The following SPAG16 variants were observed in gnomAD, a reference collection of about 807,000 sequenced individuals.
SPAG16 encodes sperm associated antigen 16.
SPAG16 carries 86 observed loss-of-function variants against 80.4 expected under a neutral mutation model. The ratio of observed to expected loss-of-function variants is 1.07; its 90% confidence interval spans 0.90 to 1.28. The LOEUF (loss-of-function observed/expected upper bound fraction) is 1.28, where lower values mean the gene tolerates loss of function less well. Ranked by LOEUF, SPAG16 falls within the 50% of genes most tolerant of loss-of-function variation. The pLI, the probability that SPAG16 is intolerant of heterozygous loss-of-function variation, is 0.00. For missense variants in SPAG16, 870 were observed against 765.3 expected (o/e 1.14, Z -1.61); for synonymous variants, 294 against 265.9 (o/e 1.11, Z -1.03).
At chr2:214,286,222 C>T (rs10168841) in intron 15 of SPAG16, among the ~76,000 whole-genome samples, 127,336 of 152,030 alleles carry the variant, frequency 0.84, 55,382 homozygotes, top group South Asian at 0.98. Context: ...GTTTCAGTTA[C>T]GCAAGATGAA....
intron 10 of SPAG16, among the ~76,000 whole-genome samples, chr2:213,490,891 G>A (rs764099141): frequency 3.3e-5 from 5 of 152,010 alleles, no homozygotes; most frequent in Admixed American, 6.6e-5. Flanking sequence ...TACTTAAGGA[G>A]GACTAATGAC....
At chr2:214,212,901 A>C (rs1156290433) in intron 15 of SPAG16, among the ~76,000 whole-genome samples, 2 of 152,238 alleles carry the variant, frequency 1.3e-5, no homozygotes, top group Non-Finnish European at 2.9e-5. Context: ...GCACACTAGA[A>C]CATGTAAGTC....
intron 9 of SPAG16, among the ~76,000 whole-genome samples, chr2:213,459,733 A>T (rs1348254319): frequency 1.3e-5 from 2 of 152,232 alleles, no homozygotes; most frequent in Admixed American, 1.3e-4. Flanking sequence ...GCATGTCGCT[A>T]TTCTCTTGGA....
chr2:213,867,519 G>A (rs1013163053), intron 11 of SPAG16, among the ~76,000 whole-genome samples: 3 of 152,168 alleles, frequency 2.0e-5, no homozygotes, highest in African/African-American at 7.2e-5. Context: ...TGATTGTGAA[G>A]ACTAGTGTTA....
intron 10 of SPAG16, among the ~76,000 whole-genome samples, chr2:213,559,230 T>G (rs1402454918): frequency 6.6e-6 from 1 of 152,214 alleles, no homozygotes; most frequent in African/African-American, 2.4e-5. Flanking sequence ...CTCTGAATTA[T>G]CTACACATTC....
chr2:213,361,580 G>A (rs1031228890), intron 7 of SPAG16, among the ~76,000 whole-genome samples: 1 of 151,408 alleles, frequency 6.6e-6, no homozygotes, highest in Non-Finnish European at 1.5e-5. Flanking sequence ...CTAGAGCTGG[G>A]CAGATAAAAT....
chr2:213,351,730 A>G (rs2065339258), intron 7 of SPAG16, among the ~76,000 whole-genome samples: 1 of 152,192 alleles, frequency 6.6e-6, no homozygotes, highest in African/African-American at 2.4e-5. Flanking sequence ...ACATGCTTTA[A>G]TCAAGTTTAT....
chr2:213,512,886 G>A (rs570813283), intron 10 of SPAG16, among the ~76,000 whole-genome samples: 5 of 151,990 alleles, frequency 3.3e-5, no homozygotes, highest in African/African-American at 1.2e-4. Context: ...ACCAAGACTG[G>A]AAATAGCCCC....
At chr2:214,156,144 A>G (rs904715313) in intron 15 of SPAG16, among the ~76,000 whole-genome samples, 2 of 152,180 alleles carry the variant, frequency 1.3e-5, no homozygotes. Context: ...ATTAGTTTTC[A>G]ATTAGTTGCC....
At chr2:213,445,244 C>CA (rs2071221603) in intron 9 of SPAG16, among the ~76,000 whole-genome samples, 1 of 152,120 alleles carries the variant, frequency 6.6e-6, no homozygotes, top group African/African-American at 2.4e-5. Flanking sequence ...AAAATACTTG[C>CA]AAACGATTCA....
At chr2:213,655,208 G>A (rs533337933) in intron 10 of SPAG16, among the ~76,000 whole-genome samples, 7 of 152,304 alleles carry the variant, frequency 4.6e-5, no homozygotes, top group South Asian at 4.1e-4. Flanking sequence ...TGACGAGGGA[G>A]GCTGTGCGTA....
chr2:213,296,205 CT>C (rs1575107319), intron 2 of SPAG16, 95 bp downstream of exon 2: 1 of 916,690 alleles, frequency 1.1e-6, no homozygotes, highest in Non-Finnish European at 1.7e-6. Context: ...AAGAACCATT[CT>C]TTTTTCTTAA....
intron 13 of SPAG16, among the ~76,000 whole-genome samples, chr2:214,020,577 G>A (rs2047812862): frequency 6.6e-6 from 1 of 152,204 alleles, no homozygotes; most frequent in East Asian, 1.9e-4. Context: ...TGATTCACAA[G>A]TATGATCTAT....
chr2:213,489,081 G>GAAAAAAAAAAAAAAAAAAAA (rs58151966), intron 9 of SPAG16, among the ~76,000 whole-genome samples: 1 of 90,936 alleles, frequency 1.1e-5, no homozygotes, highest in Non-Finnish European at 2.1e-5. Context: ...TCTCAAAAAC[G>GAAAAAAAAAAAAAAAAAAAA]AAAAAAAAAA....
chr2:213,290,256 A>C (rs1049720947), intron 1 of SPAG16, among the ~76,000 whole-genome samples: 3 of 152,204 alleles, frequency 2.0e-5, no homozygotes, highest in Non-Finnish European at 2.9e-5. Context: ...AGTGCTACTA[A>C]ATTCCTTCCA....
intron 15 of SPAG16, among the ~76,000 whole-genome samples, chr2:214,348,705 C>T (rs755679447): frequency 1.3e-5 from 2 of 152,150 alleles, no homozygotes; most frequent in Admixed American, 1.3e-4. Flanking sequence ...CTCAGACCCT[C>T]CACACCAGCT....
At chr2:213,394,526 G>C (rs1012811278) in intron 9 of SPAG16, among the ~76,000 whole-genome samples, 21 of 152,076 alleles carry the variant, frequency 1.4e-4, no homozygotes, top group Admixed American at 3.9e-4. Context: ...ATATAATCAA[G>C]GTATGGAATA....
chr2:214,155,527 G>A (rs1476091875), intron 15 of SPAG16, among the ~76,000 whole-genome samples: 4 of 151,556 alleles, frequency 2.6e-5, no homozygotes, highest in Non-Finnish European at 4.4e-5. Flanking sequence ...TTTTAAAGAC[G>A]GGGTCCTATG....
chr2:213,981,918 A>G (rs1410151963), intron 12 of SPAG16, among the ~76,000 whole-genome samples: 1 of 149,442 alleles, frequency 6.7e-6, no homozygotes, highest in Non-Finnish European at 1.5e-5. Flanking sequence ...CTAGTTTCTG[A>G]TTTTTTTACA....
Sources: gnomAD v4.1 joint callset for allele counts (sites outside exome capture counted in the v4.1 genomes callset) on GRCh38, gnomAD v4.1.1 for gene constraint, MANE v1.5 for transcripts, NCBI Gene and HGNC (gene_info 2026-07-23, HGNC 2026-07-21) for gene names.